Variants in NRAP observed in about 807,000 individuals in gnomAD.
The protein encoded by NRAP is nebulin-related-anchoring protein.
In NRAP, 189 loss-of-function variants were observed where a neutral mutation model predicts 225.9. The ratio of observed to expected loss-of-function variants is 0.84; its 90% CI spans 0.74 to 0.94. The LOEUF (loss-of-function observed/expected upper bound fraction) is 0.94. Among genes scored for constraint, NRAP ranks in the 40% least tolerant of loss-of-function variants. The pLI is 0.00. For synonymous variants in NRAP, 769 were observed against 790.7 expected (o/e 0.97, Z 0.46); for missense variants, 2,176 against 2,168.7 (o/e 1.00, Z -0.07).
intron 36 of NRAP, 145 bp downstream of exon 36, chr10:113,597,824 T>C: frequency 3.0e-6 from 2 of 665,960 alleles, no homozygotes; most frequent in Admixed American, 4.5e-5. Flanking sequence ...TGTCTTGGGA[T>C]TTGGTTGCAC....
intron 24 of NRAP, among the ~76,000 whole-genome samples, chr10:113,621,043 G>A (rs1847958631): frequency 6.6e-6 from 1 of 152,090 alleles, no homozygotes; most frequent in African/African-American, 2.4e-5. Context: ...CAGTTTTCTT[G>A]TTTAAAATGA....
chr10:113,605,891 A>G (rs1473554021), intron 33 of NRAP, 22 bp from the exon 34 acceptor site: 2 of 1,545,724 alleles, frequency 1.3e-6, no homozygotes, highest in Non-Finnish European at 1.8e-6. Context: ...ACACATGTAA[A>G]TCTTTTTTAA....
chr10:113,632,123 T>C (rs1014822355), intron 16 of NRAP, among the ~76,000 whole-genome samples, 159 bp from the exon 17 acceptor site: 1 of 152,234 alleles, frequency 6.6e-6, no homozygotes, highest in African/African-American at 2.4e-5. Context: ...CACAGTTAAT[T>C]GATTCCTTCG....
chr10:113,605,157 C>T (rs528092462), intron 34 of NRAP, among the ~76,000 whole-genome samples: 1 of 152,318 alleles, frequency 6.6e-6, no homozygotes, highest in East Asian at 1.9e-4. Flanking sequence ...CCTTACATGT[C>T]CTATGGCCAA....
chr10:113,647,327 A>G lies in NRAP; in HGVS notation c.889-300T>C, dbSNP rs115188270. On this transcript the variant is annotated intron_variant, in intron 9 of 41. Coordinates refer to ENST00000359988, the MANE Select transcript of NRAP (RefSeq NM_198060.4). ...CACTCTCCCAGGCCCATATGTTATG[A>G]AATATTCACTTTTTAACTGACAACC... 2.8e-3 allele frequency among the ~76,000 whole-genome samples: 430 copies of G among 152,192 alleles called. 2 individuals are homozygous for G. Among genetic ancestry groups the G allele is most frequent in the African/African-American group, 9.9e-3 (410 of 41,488 alleles).
chr10:113,615,672 C>G (rs1847613321), intron 27 of NRAP, 40 bp downstream of exon 27: 1 of 1,135,374 alleles, frequency 8.8e-7, no homozygotes. Context: ...CAGCCCCGCT[C>G]TCCCGTCATT....
intron 18 of NRAP, among the ~76,000 whole-genome samples, chr10:113,630,095 A>G (rs1483680841): frequency 6.6e-6 from 1 of 152,210 alleles, no homozygotes; most frequent in Non-Finnish European, 1.5e-5. Flanking sequence ...AGAATAAAGA[A>G]GCTTGGGCTG....
At position 113,645,975 on chromosome 10, in the gene NRAP, G is replaced by C. The variant is rs773407402; in HGVS notation, c.994-34C>G. ...AAAAACACAAAACGGGGCTGGAGTT[G>C]ATGTTTCCATGCTCTGGGAGGGGAA... On this transcript the variant is annotated intron_variant, in intron 10 of 41. Coordinates refer to ENST00000359988, the MANE Select transcript of NRAP (RefSeq NM_198060.4). 1.4e-5 allele frequency: 16 copies of C among 1,127,722 alleles called. No individual in the cohort carries two copies. In the South Asian group the frequency reaches 1.8e-4, roughly 13 times the overall value. 69.9% of individuals were successfully genotyped at this position (1,127,722 alleles called of 1,614,324 possible). A position where few individuals can be genotyped will look rare whatever the true frequency, so the allele number is the denominator to read the frequency against.
In NRAP at chr10:113,595,746, C is replaced by A; in HGVS notation, c.4432-19G>T. On this transcript the variant is annotated intron_variant, in intron 37 of 41. Transcript: ENST00000359988. The stretch of plus-strand genomic sequence containing the variant: ...ACATGCGCTGTAGATAAGATGGGCT[C>A]ATGGTAAATAGAGAACTGTGTGGGC... The A allele has an allele frequency of 6.6e-7, 1 of 1,522,618 alleles. No homozygotes were observed. The highest frequency in any genetic ancestry group is 1.1e-5 in the South Asian group (1 of 88,858). The allele number at this position is 1,522,618 out of a possible 1,614,324, so 94.3% of individuals were successfully genotyped here. A position where few individuals can be genotyped will look rare whatever the true frequency, so the allele number is the denominator to read the frequency against.
intron 23 of NRAP, among the ~76,000 whole-genome samples, chr10:113,623,297 C>T (rs928286450): frequency 6.6e-6 from 1 of 152,168 alleles, no homozygotes; most frequent in East Asian, 1.9e-4. Flanking sequence ...CTTGCTACTA[C>T]TACAAATAAT....
rs181024055 is a variant in NRAP, at chr10:113,595,726, C to T, written c.4433G>A (p.Arg1478His). The change falls in exon 38 of 42, where the codon CGC (arginine) becomes CAC (histidine). Residue 1478 changes from arginine to histidine, a missense_variant and splice_region_variant. Coordinates refer to ENST00000359988, the MANE Select transcript of NRAP (RefSeq NM_198060.4). ...AKNSYMHCNE[R>H]MYRSGDAESL... ...TTCTGCATCTCCAGATCTATACATG[C>T]GCTGTAGATAAGATGGGCTCATGGT... The T allele has an allele frequency of 1.8e-4, 289 of 1,595,180 alleles. 2 individuals are homozygous for T. The Middle Eastern group carries it at 2.8e-3, about 16-fold the overall frequency.
Position 113,647,015 on chromosome 10 carries a change from C to A in NRAP, c.901G>T (p.Glu301Ter). ...ADQYGQGYPE[E>*]YEEHRGKGSF... is the part of the protein sequence containing the mutation. Reference sequence around the variant, plus strand: ...CCCTTTCCCCTGTGCTCCTCATACTCCTCCGGGTAACCCTGCCGGGTGCAT... The same window carrying A: ...CCCTTTCCCCTGTGCTCCTCATACTACTCCGGGTAACCCTGCCGGGTGCAT... The change falls in exon 10 of 42, where the codon GAG becomes TAG. Residue 301 changes from glutamate to a stop codon, truncating the protein, a stop_gained. Transcript: ENST00000359988. LOFTEE classifies it high-confidence loss of function. 6.2e-7 allele frequency: 1 copy of A among 1,613,472 alleles called. No homozygotes were observed. Among genetic ancestry groups the A allele is most frequent in the Non-Finnish European group, 8.5e-7 (1 of 1,179,436 alleles).
chr10:113,614,757 A>G lies in NRAP; in HGVS notation c.3186+82T>C, dbSNP rs1424002107. 7.2e-6 allele frequency: 6 copies of G among 834,632 alleles called. No individual in the cohort carries two copies. The East Asian group carries it at 1.5e-4, about 20-fold the overall frequency. 51.7% of individuals were successfully genotyped at this position (834,632 alleles called of 1,614,324 possible). On this transcript the variant is annotated intron_variant, in intron 28 of 41. Transcript: ENST00000359988. ...GAGGACAGGGAATTATCCACAGGCA[A>G]AAGAAGGCAGGAGTTACGGGCAAAA... is the stretch of plus-strand genomic sequence containing the variant.
chr10:113,590,706 G>A lies in NRAP; in HGVS notation c.4828C>T (p.Leu1610Phe). ...FHSSTDQPGL[L>F]QAKRSQQLAS... is the part of the protein sequence containing the mutation. ...AGCTGCTGGCTCCTCTTGGCCTGAA[G>A]GAGGCCGGGCTGGTCTGTGCTGCTG... The change falls in exon 40 of 42, where the codon CTT becomes TTT. Residue 1610 changes from leucine to phenylalanine, a missense_variant. Transcript: ENST00000359988. 6.2e-7 allele frequency: 1 copy of A among 1,614,212 alleles called. No individual in the cohort carries two copies. The highest frequency in any genetic ancestry group is 8.5e-7 in the Non-Finnish European group (1 of 1,180,044).
intron 23 of NRAP, 66 bp from the exon 24 acceptor site, chr10:113,622,246 C>T (rs563006842): frequency 7.5e-6 from 8 of 1,070,454 alleles, no homozygotes; most frequent in South Asian, 4.3e-5. Context: ...GCTTCAGACT[C>T]CATGCATGGG....
intron 38 of NRAP, among the ~76,000 whole-genome samples, chr10:113,594,108 G>A (rs551094748): frequency 1.4e-4 from 22 of 152,302 alleles, no homozygotes; most frequent in Middle Eastern, 3.4e-3. Flanking sequence ...AACCCTGGGC[G>A]TTCCTCTTCT....
At chr10:113,657,601 T>C (rs573835033) in intron 3 of NRAP, 27 bp from the exon 4 acceptor site, 2 of 1,266,632 alleles carry the variant, frequency 1.6e-6, no homozygotes, top group Non-Finnish European at 1.2e-6. Context: ...TTGTCAGTAA[T>C]GTTTCCATCA....
chr10:113,661,385 G>A (rs531799027), intron 3 of NRAP, among the ~76,000 whole-genome samples: 1 of 150,634 alleles, frequency 6.6e-6, no homozygotes, highest in African/African-American at 2.5e-5. Flanking sequence ...CATGTGTAGA[G>A]AGCCACACAG....
chr10:113,620,128 A>G (rs2133975306), intron 25 of NRAP, among the ~76,000 whole-genome samples: 1 of 152,282 alleles, frequency 6.6e-6, no homozygotes, highest in East Asian at 1.9e-4. Flanking sequence ...AGGTGGCTAT[A>G]AGTAGGCAGA....
Sources: gnomAD v4.1 joint callset for allele counts (sites outside exome capture counted in the v4.1 genomes callset) on GRCh38, gnomAD v4.1.1 for gene constraint, MANE v1.5 for transcripts, NCBI Gene and HGNC (gene_info 2026-07-23, HGNC 2026-07-21) for gene names.